SLC2A9: variants seen among roughly 807,000 people sequenced by gnomAD.
SLC2A9 encodes the protein solute carrier family 2 member 9.
SLC2A9 carries 39 observed loss-of-function variants against 50.6 expected under a neutral mutation model. The ratio of observed to expected loss-of-function variants is 0.77; its 90% CI spans 0.60 to 1.01. The LOEUF is 1.01. Ranked by LOEUF, SLC2A9 falls within the 50% of genes least tolerant of loss-of-function variation. The pLI, the probability that SLC2A9 is intolerant of heterozygous loss-of-function variation, is 0.00. For synonymous variants in SLC2A9, 324 were observed against 276.9 expected (o/e 1.17, Z -1.69); for missense variants, 686 against 677.6 (o/e 1.01, Z -0.14).
chr4:9,860,795 G>T (rs1365011322), intron 10 of SLC2A9, among the ~76,000 whole-genome samples: 5 of 152,214 alleles, frequency 3.3e-5, no homozygotes, highest in Admixed American at 1.3e-4. Flanking sequence ...ACCCCGGGAA[G>T]TCCTCCCTGA....
chr4:9,938,493 G>C (rs1024502213), intron 6 of SLC2A9, among the ~76,000 whole-genome samples: 1 of 152,014 alleles, frequency 6.6e-6, no homozygotes, highest in Non-Finnish European at 1.5e-5. Context: ...GGATGGTCTC[G>C]ATCTCCTGAC....
At chr4:9,834,336 A>G (rs1726676403) in intron 11 of SLC2A9, among the ~76,000 whole-genome samples, 1 of 152,126 alleles carries the variant, frequency 6.6e-6, no homozygotes, top group Non-Finnish European at 1.5e-5. Context: ...CTGGGACTCA[A>G]CATATATATG....
downstream of SLC2A9, among the ~76,000 whole-genome samples, chr4:9,776,942 C>G (rs1717649683): frequency 6.6e-6 from 1 of 152,276 alleles, no homozygotes; most frequent in Admixed American, 6.5e-5. Flanking sequence ...CCTTTTACCT[C>G]TTTATCAAAT....
intron 5 of SLC2A9, among the ~76,000 whole-genome samples, chr4:9,969,908 A>C (rs897094125): frequency 6.6e-6 from 1 of 152,258 alleles, no homozygotes; most frequent in Non-Finnish European, 1.5e-5. Flanking sequence ...ATGAAGCCAA[A>C]CCATATCACC....
chr4:10,027,050 A>AG (rs1019818072), intron 1 of SLC2A9, among the ~76,000 whole-genome samples: 5 of 151,684 alleles, frequency 3.3e-5, no homozygotes, highest in Non-Finnish European at 7.4e-5. Flanking sequence ...TCTCAAAAAA[A>AG]CAAAAAAAAA....
chr4:9,922,291 G>A (rs966690291), intron 6 of SLC2A9, among the ~76,000 whole-genome samples: 2 of 151,876 alleles, frequency 1.3e-5, no homozygotes, highest in African/African-American at 4.8e-5. Flanking sequence ...TCACAGGGAG[G>A]GGAACAACAC....
intron 1 of SLC2A9, among the ~76,000 whole-genome samples, chr4:10,020,488 T>G (rs1025070900): frequency 6.6e-6 from 1 of 152,218 alleles, no homozygotes; most frequent in East Asian, 1.9e-4. Flanking sequence ...TTATAAGCCT[T>G]GGGGATGGGT....
At chr4:9,957,021 TCA>T (rs1454944527) in intron 5 of SLC2A9, among the ~76,000 whole-genome samples, 2 of 152,044 alleles carry the variant, frequency 1.3e-5, no homozygotes, top group Admixed American at 1.3e-4. Context: ...CCCTGGTGGC[TCA>T]GCATGGAGGA....
At chr4:9,918,398 G>A (rs1368268441) in intron 7 of SLC2A9, among the ~76,000 whole-genome samples, 1 of 152,200 alleles carries the variant, frequency 6.6e-6, no homozygotes, top group Non-Finnish European at 1.5e-5. Context: ...CCACTAAACA[G>A]CATGGGTCTC....
In SLC2A9 at chr4:9,856,394, G is replaced by A. The variant is rs182632920; in HGVS notation, c.1292-21386C>T. 5.1e-3 allele frequency among the ~76,000 whole-genome samples: 778 copies of A among 152,292 alleles called. 6 individuals carry two copies. The highest frequency in any genetic ancestry group is 7.9e-3 in the Non-Finnish European group (540 of 68,014). On this transcript the variant is annotated intron_variant, in intron 10 of 11. Coordinates refer to ENST00000264784, the MANE Select transcript of SLC2A9 (RefSeq NM_020041.3). ...CAATATCGGTAATCATTAGAGAAAT[G>A]CAAATCAAAACCACAATGAGATATC...
At chr4:9,851,940 T>C (rs538816861) in intron 10 of SLC2A9, among the ~76,000 whole-genome samples, 63 of 152,310 alleles carry the variant, frequency 4.1e-4, no homozygotes, top group Admixed American at 3.7e-3. Flanking sequence ...AGCAAATCTA[T>C]GACTCACTGG....
chr4:9,944,969 G>T (rs1050776633), intron 5 of SLC2A9, among the ~76,000 whole-genome samples: 5 of 152,228 alleles, frequency 3.3e-5, no homozygotes, highest in African/African-American at 9.6e-5. Flanking sequence ...TCATCTCAAT[G>T]AGTAAGTGCC....
At chr4:9,799,987 TG>T (rs1721171984) in intron 3 of SLC2A9, among the ~76,000 whole-genome samples, 1 of 152,134 alleles carries the variant, frequency 6.6e-6, no homozygotes, top group Non-Finnish European at 1.5e-5. Context: ...GGTGAAAAGA[TG>T]GGGAAACTGA....
chr4:9,936,909 G>T (rs930350772), intron 6 of SLC2A9, among the ~76,000 whole-genome samples: 3 of 152,212 alleles, frequency 2.0e-5, no homozygotes, highest in Admixed American at 2.0e-4. Flanking sequence ...GGACTATCAT[G>T]TCATCCCAAG....
At position 9,985,650 on chromosome 4, in the gene SLC2A9, C is replaced by A. The variant is rs367731001; in HGVS notation, c.535+19G>T. 3 of 1,613,830 alleles carry A rather than the reference C, an allele frequency of 1.9e-6. No individual in the cohort carries two copies. Among genetic ancestry groups the A allele is most frequent in the South Asian group, 2.2e-5 (2 of 91,074 alleles). Reference sequence around the variant, plus strand: ...AAGGAGTATGTTACTGTTCCCTCCCCGTCATGGTGAACTCTCACCTCCATC... The same window carrying A: ...AAGGAGTATGTTACTGTTCCCTCCCAGTCATGGTGAACTCTCACCTCCATC... On this transcript the variant is annotated intron_variant, in intron 4 of 11. Coordinates refer to ENST00000264784, the MANE Select transcript of SLC2A9 (RefSeq NM_020041.3).
chr4:9,832,229 T>C (rs1166628518), intron 11 of SLC2A9, among the ~76,000 whole-genome samples: 2 of 152,044 alleles, frequency 1.3e-5, no homozygotes, highest in African/African-American at 4.8e-5. Context: ...TGGGCGGGCG[T>C]GAGTGGGGCT....
chr4:9,993,936 G>A (rs1394407855), intron 3 of SLC2A9, among the ~76,000 whole-genome samples: 1 of 152,136 alleles, frequency 6.6e-6, no homozygotes, highest in Non-Finnish European at 1.5e-5. Flanking sequence ...CCCACTGCTG[G>A]AGCAGCCAGT....
intron 6 of SLC2A9, among the ~76,000 whole-genome samples, chr4:9,931,735 G>A (rs1425275562): frequency 6.6e-6 from 1 of 151,866 alleles, no homozygotes; most frequent in East Asian, 1.9e-4. Context: ...CAGCTTGTGA[G>A]AGCTTGCTGT....
chr4:10,001,619 C>T lies in SLC2A9; in HGVS notation c.250-4678G>A, dbSNP rs143336589. On this transcript the variant is annotated intron_variant, in intron 2 of 11. Transcript: ENST00000264784. ...CACTTCCACCATTCCACCACTCAAC[C>T]GGTCCAAACTGCCATCCCCTCACTG... 1.7e-3 allele frequency among the ~76,000 whole-genome samples: 255 copies of T among 152,274 alleles called. 1 individual carries two copies. The highest frequency in any genetic ancestry group is 5.6e-3 in the African/African-American group (233 of 41,532).
Sources: allele counts gnomAD v4.1 joint callset (sites outside exome capture counted in the v4.1 genomes callset), GRCh38; gene constraint gnomAD v4.1.1; transcripts MANE v1.5; gene names NCBI Gene and HGNC (gene_info 2026-07-23, HGNC 2026-07-21).